CDH18: variants seen among roughly 807,000 people sequenced by gnomAD.
CDH18 encodes cadherin-18.
In CDH18, 31 loss-of-function variants were observed where a neutral mutation model predicts 67.9. The ratio of observed to expected loss-of-function variants is 0.46; its 90% CI spans 0.34 to 0.62. CDH18 has a LOEUF of 0.62. CDH18 is among the 20% of genes least tolerant of loss of function. The pLI, the probability that CDH18 is intolerant of heterozygous loss-of-function variation, is 0.01. For synonymous variants in CDH18, 362 were observed against 347.2 expected, an observed-to-expected ratio of 1.04 and a Z score of -0.48; for missense variants, 890 against 975.5, an observed-to-expected ratio of 0.91 and a Z score of 1.17.
At chr5:20,065,149 T>G (rs1454613234) in intron 2 of CDH18, among the ~76,000 whole-genome samples, 5 of 151,978 alleles carry the variant, frequency 3.3e-5, no homozygotes, top group African/African-American at 9.7e-5. Context: ...AATTAATTTT[T>G]CCATTTTTTT....
At chr5:20,207,039 A>G (rs1278712675) in intron 2 of CDH18, among the ~76,000 whole-genome samples, 1 of 152,026 alleles carries the variant, frequency 6.6e-6, no homozygotes, top group East Asian at 1.9e-4. Flanking sequence ...CATCTATTGA[A>G]CATAAATAAG....
intron 1 of CDH18, among the ~76,000 whole-genome samples, chr5:20,333,917 T>A (rs1411651069): frequency 6.6e-6 from 1 of 151,986 alleles, no homozygotes; most frequent in Non-Finnish European, 1.5e-5. Context: ...ATTCCTATCA[T>A]AAGTAACTAT....
intron 2 of CDH18, among the ~76,000 whole-genome samples, chr5:20,133,269 G>C (rs1215873635): frequency 6.6e-6 from 1 of 152,190 alleles, no homozygotes; most frequent in Non-Finnish European, 1.5e-5. Context: ...CACATGGTTG[G>C]GGAGGCCCCA....
intron 4 of CDH18, among the ~76,000 whole-genome samples, chr5:19,724,396 G>C (rs1766523776): frequency 6.6e-6 from 1 of 152,106 alleles, no homozygotes; most frequent in Admixed American, 6.6e-5. Flanking sequence ...TAGCAGGGAA[G>C]CATAAGGGAT....
At chr5:20,348,392 T>C (rs1270498533) in intron 1 of CDH18, among the ~76,000 whole-genome samples, 1 of 152,202 alleles carries the variant, frequency 6.6e-6, no homozygotes, top group Non-Finnish European at 1.5e-5. Context: ...GCCAGCTGAA[T>C]AAAATATTTA....
At chr5:20,182,103 C>T (rs1045431980) in intron 2 of CDH18, among the ~76,000 whole-genome samples, 4 of 151,908 alleles carry the variant, frequency 2.6e-5, no homozygotes, top group Non-Finnish European at 1.5e-5. Context: ...TTTGAACTGG[C>T]GAAAGTGGCA....
chr5:20,341,214 C>T (rs1175955860), intron 1 of CDH18, among the ~76,000 whole-genome samples: 1 of 152,080 alleles, frequency 6.6e-6, no homozygotes, highest in Non-Finnish European at 1.5e-5. Context: ...TGTTGATTAA[C>T]ATTTGAGTCA....
chr5:20,011,447 T>C (rs1193916677), intron 2 of CDH18, among the ~76,000 whole-genome samples: 1 of 152,140 alleles, frequency 6.6e-6, no homozygotes. Context: ...GCCCTTTATT[T>C]CTTCCTCTTG....
chr5:19,652,339 T>C (rs1036067301), intron 5 of CDH18, among the ~76,000 whole-genome samples: 3 of 152,030 alleles, frequency 2.0e-5, no homozygotes, highest in South Asian at 2.1e-4. Flanking sequence ...TAGCTCAGCA[T>C]GATGGTTTTA....
At chr5:19,829,792 C>T (rs1780816386) in intron 3 of CDH18, among the ~76,000 whole-genome samples, 1 of 152,106 alleles carries the variant, frequency 6.6e-6, no homozygotes, top group Non-Finnish European at 1.5e-5. Context: ...AACTATATTA[C>T]AAGGCTATAG....
intron 12 of CDH18, among the ~76,000 whole-genome samples, 173 bp from the exon 13 acceptor site, chr5:19,473,889 T>C (rs1738001006): frequency 6.6e-6 from 1 of 152,152 alleles, no homozygotes; most frequent in Non-Finnish European, 1.5e-5. Context: ...CAAGGTACTG[T>C]AATGCCTCAA....
intron 1 of CDH18, among the ~76,000 whole-genome samples, chr5:20,569,095 GAGTAGGCA>G (rs1222082341): frequency 6.6e-6 from 1 of 152,134 alleles, no homozygotes; most frequent in Non-Finnish European, 1.5e-5. Context: ...TGCTTTCAAT[GAGTAGGCA>G]GGAAAACAGC....
At chr5:20,325,253 T>TC (rs1561972559) in intron 1 of CDH18, among the ~76,000 whole-genome samples, 1 of 152,154 alleles carries the variant, frequency 6.6e-6, no homozygotes, top group South Asian at 2.1e-4. Flanking sequence ...ATGAACTGAA[T>TC]CCCCCCAGAA....
At chr5:20,501,456 T>C (rs1754245538) in intron 1 of CDH18, among the ~76,000 whole-genome samples, 1 of 125,934 alleles carries the variant, frequency 7.9e-6, no homozygotes, top group East Asian at 2.2e-4. Context: ...ATATTTTATA[T>C]ACATATTATA....
chr5:20,569,079 G>A (rs1758667325), intron 1 of CDH18, among the ~76,000 whole-genome samples: 1 of 152,106 alleles, frequency 6.6e-6, no homozygotes, highest in Admixed American at 6.6e-5. Flanking sequence ...TACTATAACT[G>A]CATGCTGCTT....
At chr5:19,890,530 G>A (rs1788674446) in intron 2 of CDH18, among the ~76,000 whole-genome samples, 1 of 151,828 alleles carries the variant, frequency 6.6e-6, no homozygotes, top group South Asian at 2.1e-4. Context: ...ACACAATTTT[G>A]ACACTGCACA....
intron 2 of CDH18, among the ~76,000 whole-genome samples, chr5:19,910,070 A>T (rs1316870556): frequency 1.3e-5 from 2 of 152,138 alleles, no homozygotes; most frequent in Admixed American, 1.3e-4. Flanking sequence ...TTATCAGTTA[A>T]CCTTCAGAAA....
intron 2 of CDH18, among the ~76,000 whole-genome samples, chr5:20,240,034 A>G (rs1742774928): frequency 6.6e-6 from 1 of 152,140 alleles, no homozygotes; most frequent in Non-Finnish European, 1.5e-5. Context: ...TAGAACAAAA[A>G]AGACAAAAAT....
chr5:19,734,613 C>T (rs1237304296), intron 4 of CDH18, among the ~76,000 whole-genome samples: 1 of 152,080 alleles, frequency 6.6e-6, no homozygotes, highest in Admixed American at 6.6e-5. Context: ...AATAAGTTGT[C>T]CAGGTGTCTT....
Sources: gnomAD v4.1 joint callset for allele counts (sites outside exome capture counted in the v4.1 genomes callset) on GRCh38, gnomAD v4.1.1 for gene constraint, MANE v1.5 for transcripts, NCBI Gene and HGNC (gene_info 2026-07-23, HGNC 2026-07-21) for gene names.